Variants in PPP1R1C observed in about 807,000 individuals in gnomAD.
The protein encoded by PPP1R1C is protein phosphatase 1 regulatory inhibitor subunit 1C, also known as protein phosphatase 1 regulatory subunit 1C.
In PPP1R1C, 15 loss-of-function variants were observed where a neutral mutation model predicts 17.4. The ratio of observed to expected loss-of-function variants is 0.86; its 90% CI spans 0.58 to 1.33. The LOEUF (loss-of-function observed/expected upper bound fraction) is 1.33, where lower values mean the gene tolerates loss of function less well. Among genes scored for constraint, PPP1R1C ranks in the 40% most tolerant of loss-of-function variants. PPP1R1C has a pLI of 0.00. For missense variants in PPP1R1C, 143 were observed against 130.0 expected, an observed-to-expected ratio of 1.10 and a Z score of -0.48; for synonymous variants, 35 against 43.1, an observed-to-expected ratio of 0.81 and a Z score of 0.73.
chr2:182,003,287 T>A (rs1685825736), intron 2 of PPP1R1C, among the ~76,000 whole-genome samples: 1 of 152,156 alleles, frequency 6.6e-6, no homozygotes, highest in African/African-American at 2.4e-5. Context: ...GATTTCTTAG[T>A]CTGAAGAAAT....
chr2:182,078,103 C>T (rs1343828848), intron 4 of PPP1R1C, among the ~76,000 whole-genome samples: 7 of 152,110 alleles, frequency 4.6e-5, no homozygotes, highest in Non-Finnish European at 8.8e-5. Flanking sequence ...TCGCTTGAGC[C>T]CGGGTGGCAG....
chr2:182,117,149 C>A, intron 4 of PPP1R1C, 58 bp from the exon 5 acceptor site: 2 of 1,157,148 alleles, frequency 1.7e-6, no homozygotes, highest in South Asian at 1.4e-5. Context: ...TGCAGCAAAG[C>A]GGTTAATATT....
At chr2:182,114,296 A>T (rs1231650312) in intron 4 of PPP1R1C, among the ~76,000 whole-genome samples, 1 of 152,180 alleles carries the variant, frequency 6.6e-6, no homozygotes, top group Non-Finnish European at 1.5e-5. Context: ...GCTTATTAGC[A>T]TCTGGCAGAG....
intron 2 of PPP1R1C, among the ~76,000 whole-genome samples, chr2:182,005,887 T>A (rs1685903635): frequency 6.6e-6 from 1 of 152,152 alleles, no homozygotes; most frequent in Non-Finnish European, 1.5e-5. Context: ...ACATGTAAAA[T>A]GTAACTAATA....
At chr2:181,968,516 G>A (rs1334450232) in intron 1 of PPP1R1C, among the ~76,000 whole-genome samples, 1 of 152,010 alleles carries the variant, frequency 6.6e-6, no homozygotes, top group Non-Finnish European at 1.5e-5. Flanking sequence ...AGTTACTCCT[G>A]TTCTATTTTG....
chr2:182,019,806 G>A (rs761780782), intron 2 of PPP1R1C, among the ~76,000 whole-genome samples: 3 of 152,066 alleles, frequency 2.0e-5, no homozygotes, highest in Non-Finnish European at 4.4e-5. Context: ...TAAGCTCCAG[G>A]GATCAGATCC....
At position 181,986,009 on chromosome 2, in the gene PPP1R1C, TGTGTG is replaced by T; in HGVS notation, c.-100_-96del. 1.1e-6 allele frequency: 1 copy of T among 878,418 alleles called. No individual in the cohort carries two copies. The highest frequency in any genetic ancestry group is 1.9e-6 in the Non-Finnish European group (1 of 523,024). The allele number at this position is 878,418 out of a possible 1,614,324, so 54.4% of individuals were successfully genotyped here. ...TACAGCTATTTATTACGAAGCACTC[TGTGTG>T]GCTTAGTGGAGTGTGTCTGAGGAAA... On this transcript the variant is annotated 5_prime_UTR_variant, in exon 1 of 5. The change abolishes the stop of an existing upstream ORF in the 5' untranslated region. Coordinates refer to ENST00000682840, the MANE Select transcript of PPP1R1C (RefSeq NM_001080545.3).
chr2:182,093,107 G>A (rs1392792872), intron 4 of PPP1R1C, among the ~76,000 whole-genome samples: 1 of 152,194 alleles, frequency 6.6e-6, no homozygotes, highest in African/African-American at 2.4e-5. Context: ...GGACATCCAT[G>A]CATTTCCATA....
chr2:181,987,893 C>A lies in PPP1R1C; in HGVS notation c.136C>A (p.Pro46Thr). The change falls in exon 2 of 5, where the codon CCC (proline) becomes ACC (threonine). Residue 46 changes from proline to threonine, a missense_variant. Transcript: ENST00000682840. ...ASLVILNEHN[P>T]PEIDDKRGPN... ...ACTTGTGATTCTCAATGAGCATAAC[C>A]CCCCAGGTAAAGAAGCATGATGTGT... The A allele has an allele frequency of 6.2e-7, 1 of 1,612,142 alleles. No homozygotes were observed. Among genetic ancestry groups the A allele is most frequent in the Admixed American group, 1.7e-5 (1 of 59,886 alleles).
intron 2 of PPP1R1C, among the ~76,000 whole-genome samples, chr2:182,004,701 G>A (rs572467753): frequency 2.0e-5 from 3 of 152,314 alleles, no homozygotes; most frequent in African/African-American, 7.2e-5. Context: ...TAGGAACCAC[G>A]AGATGGTTTT....
In PPP1R1C at chr2:182,095,692, A is replaced by C. The variant is rs939569803; in HGVS notation, c.242-21515A>C. Among the ~76,000 whole-genome samples the C allele has an allele frequency of 2.0e-5, 3 of 152,182 alleles. No individual in the cohort carries two copies. In the East Asian group the frequency reaches 5.8e-4, roughly 29 times the overall value. ...AAAAAGTAATATCTTTTCTTTACCC[A>C]TCAGATGGGTAGTAACTGGCCAGGA... On this transcript the variant is annotated intron_variant, in intron 4 of 4. Transcript: ENST00000682840.
chr2:182,114,542 ATATT>A (rs572002457), intron 4 of PPP1R1C, among the ~76,000 whole-genome samples: 2 of 152,216 alleles, frequency 1.3e-5, no homozygotes, highest in South Asian at 4.1e-4. Flanking sequence ...AATCAGATGA[ATATT>A]GATGACAGGA....
At chr2:181,959,872 T>C (rs1477389740) in intron 1 of PPP1R1C, among the ~76,000 whole-genome samples, 6 of 152,130 alleles carry the variant, frequency 3.9e-5, no homozygotes, top group Non-Finnish European at 1.5e-5. Context: ...GACTCTGCAG[T>C]ATCCAGTTAA....
chr2:182,073,820 G>A (rs1688209664), intron 4 of PPP1R1C, among the ~76,000 whole-genome samples: 1 of 152,140 alleles, frequency 6.6e-6, no homozygotes, highest in Non-Finnish European at 1.5e-5. Context: ...TGAACACTGT[G>A]GGGTGGGGGC....
At chr2:181,998,479 T>C (rs1685676632) in intron 2 of PPP1R1C, among the ~76,000 whole-genome samples, 1 of 152,256 alleles carries the variant, frequency 6.6e-6, no homozygotes, top group Admixed American at 6.5e-5. Flanking sequence ...GATTTCATCA[T>C]AATATACACA....
At chr2:182,003,126 T>C (rs1685821098) in intron 2 of PPP1R1C, among the ~76,000 whole-genome samples, 1 of 152,058 alleles carries the variant, frequency 6.6e-6, no homozygotes, top group Admixed American at 6.6e-5. Context: ...TCACATAAAT[T>C]GTCAATTTTT....
intron 4 of PPP1R1C, among the ~76,000 whole-genome samples, chr2:182,096,193 G>A (rs912511610): frequency 6.6e-6 from 1 of 152,102 alleles, no homozygotes; most frequent in East Asian, 1.9e-4. Context: ...GACAAAAAGG[G>A]CTATAATTTA....
chr2:181,959,039 T>C, intron 1 of PPP1R1C, among the ~76,000 whole-genome samples: 1 of 152,230 alleles, frequency 6.6e-6, no homozygotes, highest in East Asian at 1.9e-4. Flanking sequence ...AGCGTTAGTA[T>C]AATAGATATT....
chr2:182,082,882 A>G (rs1055748083), intron 4 of PPP1R1C, among the ~76,000 whole-genome samples: 2 of 152,130 alleles, frequency 1.3e-5, no homozygotes, highest in African/African-American at 4.8e-5. Flanking sequence ...GGAAGCTGCA[A>G]CACTTGGTGG....
Sources: allele counts gnomAD v4.1 joint callset (sites outside exome capture counted in the v4.1 genomes callset), GRCh38; gene constraint gnomAD v4.1.1; transcripts MANE v1.5; gene names NCBI Gene and HGNC (gene_info 2026-07-23, HGNC 2026-07-21).